UMAD1: variants seen among roughly 807,000 people sequenced by gnomAD.
The protein encoded by UMAD1 is UBAP1-MVB12-associated (UMA) domain containing 1.
A neutral mutation model predicts 6.1 loss-of-function variants in UMAD1; 8 were observed. That is an observed-to-expected ratio of 1.30 (90% CI 0.76 to 2.35). UMAD1 has a LOEUF of 2.35. Ranked by LOEUF, UMAD1 falls within the 30% of genes most tolerant of loss-of-function variation. The pLI, the probability that UMAD1 is intolerant of heterozygous loss-of-function variation, is 0.00. For missense variants in UMAD1, 130 were observed against 78.4 expected (o/e 1.66, Z -2.49); for synonymous variants, 56 against 31.4 (o/e 1.78, Z -2.61).
intron 2 of UMAD1, among the ~76,000 whole-genome samples, chr7:7,729,591 A>T (rs1781208363): frequency 6.6e-6 from 1 of 151,550 alleles, no homozygotes; most frequent in Non-Finnish European, 1.5e-5. Context: ...TCCTCTACTC[A>T]CTCTGGATTG....
chr7:7,875,998 G>C (rs1004599269), intron 3 of UMAD1, among the ~76,000 whole-genome samples: 12 of 152,188 alleles, frequency 7.9e-5, no homozygotes, highest in Admixed American at 6.5e-4. Flanking sequence ...AGGATACAGT[G>C]AGCCAGGATC....
intron 1 of UMAD1, among the ~76,000 whole-genome samples, chr7:7,658,449 G>A (rs1463285627): frequency 6.6e-6 from 1 of 152,294 alleles, no homozygotes; most frequent in South Asian, 2.1e-4. Context: ...CTGTGGGTTT[G>A]TCATAAATAG....
chr7:7,772,465 A>G (rs947993834), intron 2 of UMAD1: 2 of 152,186 alleles, frequency 1.3e-5, no homozygotes, highest in African/African-American at 4.8e-5. Flanking sequence ...GTAAGTTAAT[A>G]TATACAGTCT....
At chr7:7,801,305 A>G (rs1391597160) in intron 2 of UMAD1, among the ~76,000 whole-genome samples, 2 of 152,246 alleles carry the variant, frequency 1.3e-5, no homozygotes, top group East Asian at 3.8e-4. Flanking sequence ...CTTGGAGGAC[A>G]GTTATCCATA....
chr7:7,840,406 G>A (rs867626958), intron 3 of UMAD1, among the ~76,000 whole-genome samples: 2 of 152,106 alleles, frequency 1.3e-5, no homozygotes, highest in African/African-American at 4.8e-5. Context: ...ATTAAATCAG[G>A]ATCTCTGGGT....
At chr7:7,713,526 T>C (rs1323065382) in intron 2 of UMAD1, among the ~76,000 whole-genome samples, 2 of 152,090 alleles carry the variant, frequency 1.3e-5, no homozygotes, top group African/African-American at 4.8e-5. Context: ...CTTAGTGTTT[T>C]CAAAAGACCA....
intron 2 of UMAD1, among the ~76,000 whole-genome samples, chr7:7,681,321 G>C (rs1779907532): frequency 6.6e-6 from 1 of 152,114 alleles, no homozygotes; most frequent in South Asian, 2.1e-4. Context: ...AGATGGCATT[G>C]CAGAGTTGAT....
chr7:7,795,883 TTTGTGATGTTTATC>T (rs1323607636), intron 2 of UMAD1, among the ~76,000 whole-genome samples: 8 of 152,190 alleles, frequency 5.3e-5, no homozygotes, highest in African/African-American at 1.9e-4. Context: ...CAGCAGGGTG[TTTGTGATGTTTATC>T]TTGTGACCTC....
intron 2 of UMAD1, among the ~76,000 whole-genome samples, chr7:7,714,595 T>C (rs1032879556): frequency 3.3e-5 from 5 of 152,198 alleles, no homozygotes; most frequent in African/African-American, 1.2e-4. Flanking sequence ...GATTTGTAAA[T>C]ATCTTTAAAT....
intron 2 of UMAD1, among the ~76,000 whole-genome samples, chr7:7,778,279 A>T (rs866301374): frequency 0.025 from 3,398 of 136,368 alleles, 30 homozygotes; most frequent in Non-Finnish European, 0.041. Context: ...TGTGTGTGAG[A>T]GAGAGAGAGA....
chr7:7,702,430 A>T, intron 2 of UMAD1, among the ~76,000 whole-genome samples: 1 of 152,190 alleles, frequency 6.6e-6, no homozygotes, highest in East Asian at 1.9e-4. Flanking sequence ...ATGGACTATA[A>T]TACGAAAATT....
At chr7:7,767,566 G>A (rs1490055227) in intron 2 of UMAD1, among the ~76,000 whole-genome samples, 2 of 152,070 alleles carry the variant, frequency 1.3e-5, no homozygotes, top group Non-Finnish European at 2.9e-5. Flanking sequence ...ATTTTTTCAC[G>A]AGATCATCAG....
At chr7:7,876,533 A>G (rs1784423061) in intron 3 of UMAD1, among the ~76,000 whole-genome samples, 1 of 152,164 alleles carries the variant, frequency 6.6e-6, no homozygotes, top group Non-Finnish European at 1.5e-5. Context: ...CCATTCTTCT[A>G]TTGATTGATA....
chr7:7,860,782 A>G (rs12534081), intron 3 of UMAD1, among the ~76,000 whole-genome samples: 1 of 43,978 alleles, frequency 2.3e-5, no homozygotes, highest in East Asian at 2.0e-4. Context: ...CTCAAAAAAA[A>G]AAAAAATAAC....
At chr7:7,656,489 C>G (rs190429878) in intron 1 of UMAD1, among the ~76,000 whole-genome samples, 165 of 152,220 alleles carry the variant, frequency 1.1e-3, no homozygotes, top group African/African-American at 3.6e-3. Flanking sequence ...ATGACAGGCC[C>G]CAGTGTGTGA....
At chr7:7,746,676 T>C (rs1408133415) in intron 2 of UMAD1, among the ~76,000 whole-genome samples, 3 of 152,216 alleles carry the variant, frequency 2.0e-5, no homozygotes, top group Non-Finnish European at 4.4e-5. Context: ...AAAAAACATA[T>C]GAGACAAATA....
intron 2 of UMAD1, among the ~76,000 whole-genome samples, chr7:7,796,961 T>G (rs1782697080): frequency 6.6e-6 from 1 of 152,324 alleles, no homozygotes; most frequent in South Asian, 2.1e-4. Flanking sequence ...CTTTTTCTGC[T>G]GCAGCCCAGT....
intron 2 of UMAD1, among the ~76,000 whole-genome samples, chr7:7,713,215 G>A (rs1780811112): frequency 6.6e-6 from 1 of 151,886 alleles, no homozygotes; most frequent in South Asian, 2.1e-4. Context: ...ATGGTGGCGT[G>A]CACCTGTAGT....
intron 3 of UMAD1, among the ~76,000 whole-genome samples, chr7:7,819,310 C>CA (rs35738798): frequency 0.29 from 44,101 of 152,052 alleles, 6,818 homozygotes; most frequent in East Asian, 0.45. Context: ...TATTACTTCT[C>CA]AAAATTTTAA....
Sources: gnomAD v4.1 joint callset for allele counts (sites outside exome capture counted in the v4.1 genomes callset) on GRCh38, gnomAD v4.1.1 for gene constraint, MANE v1.5 for transcripts, NCBI Gene and HGNC (gene_info 2026-07-23, HGNC 2026-07-21) for gene names.